The following PLEKHG1 variants were observed in gnomAD, a reference collection of about 807,000 sequenced individuals.
The protein encoded by PLEKHG1 is pleckstrin homology domain-containing family G member 1.
Under a neutral mutation model 100.8 loss-of-function variants are expected in PLEKHG1, and 44 were observed. That is an observed-to-expected ratio of 0.44 (90% CI 0.34 to 0.56). The LOEUF (loss-of-function observed/expected upper bound fraction) is 0.56. Ranked by LOEUF, PLEKHG1 falls within the 20% of genes least tolerant of loss-of-function variation. The pLI, the probability that PLEKHG1 is intolerant of heterozygous loss-of-function variation, is 0.01. For synonymous variants in PLEKHG1, 640 were observed against 662.5 expected (o/e 0.97, Z 0.52); for missense variants, 1,545 against 1,720.9 (o/e 0.90, Z 1.81).
At chr6:150,806,596 G>T (rs2642385) in intron 7 of PLEKHG1, among the ~76,000 whole-genome samples, 1 of 151,492 alleles carries the variant, frequency 6.6e-6, no homozygotes, top group Admixed American at 6.6e-5. Context: ...TGAGGCAGGA[G>T]AATTGCTTGA....
chr6:150,737,976 T>G (rs1205079450), intron 2 of PLEKHG1, among the ~76,000 whole-genome samples: 5 of 151,810 alleles, frequency 3.3e-5, no homozygotes, highest in Admixed American at 6.6e-5. Context: ...GCTAAGTTTT[T>G]TTTTTTTTTT....
At chr6:150,794,242 G>C (rs1046255921) in intron 4 of PLEKHG1, among the ~76,000 whole-genome samples, 2 of 152,186 alleles carry the variant, frequency 1.3e-5, no homozygotes, top group African/African-American at 4.8e-5. Flanking sequence ...CATTTGCTCT[G>C]TGTGATTGTT....
At chr6:150,832,236 A>G (rs1285552072) in intron 15 of PLEKHG1, 31 bp downstream of exon 16, 8 of 1,516,944 alleles carry the variant, frequency 5.3e-6, no homozygotes, top group Non-Finnish European at 7.1e-6. Flanking sequence ...TTCCTTCTCC[A>G]AAGTAAGAGG....
At chr6:150,792,157 TC>T (rs1786018483) in intron 4 of PLEKHG1, among the ~76,000 whole-genome samples, 1 of 152,024 alleles carries the variant, frequency 6.6e-6, no homozygotes, top group Admixed American at 6.6e-5. Context: ...AAACACCACT[TC>T]CTATCCTGGC....
At chr6:150,618,794 G>A (rs954083351) in intron 1 of PLEKHG1, among the ~76,000 whole-genome samples, 17 of 152,186 alleles carry the variant, frequency 1.1e-4, no homozygotes, top group African/African-American at 4.1e-4. Context: ...AGAAATGATG[G>A]AAAGGGAAAA....
intron 14 of PLEKHG1, among the ~76,000 whole-genome samples, chr6:150,824,793 G>A (rs1776499030): frequency 6.6e-6 from 1 of 152,166 alleles, no homozygotes; most frequent in Non-Finnish European, 1.5e-5. Context: ...GCCTCCCAAA[G>A]TGCTGGGATT....
At chr6:150,823,531 C>T in intron 13 of PLEKHG1, 123 bp from the exon 15 acceptor site, 4 of 663,520 alleles carry the variant, frequency 6.0e-6, no homozygotes, top group Non-Finnish European at 1.1e-5. Context: ...TCTATAGGGC[C>T]CAGAAGTCAC....
intron 3 of PLEKHG1, among the ~76,000 whole-genome samples, chr6:150,773,339 G>T (rs528344160): frequency 1.3e-5 from 2 of 152,074 alleles, no homozygotes; most frequent in Non-Finnish European, 2.9e-5. Context: ...CTTGAGACCC[G>T]CCTGGCTAAT....
rs113281571 is a variant in PLEKHG1, at chr6:150,700,850, A to T, written c.-98-32734A>T. Reference sequence around the variant, plus strand: ...GGCAAAACAGCACCTGGCACTTAGAAAGTACTCACACATTAGCTAGGGTTA... The same window carrying T: ...GGCAAAACAGCACCTGGCACTTAGATAGTACTCACACATTAGCTAGGGTTA... On this transcript the variant is annotated intron_variant, in intron 3 of 3. Coordinates refer to the PLEKHG1 transcript ENST00000367326. 9.5e-3 allele frequency among the ~76,000 whole-genome samples: 1,452 copies of T among 152,280 alleles called. 23 individuals carry two copies. Among genetic ancestry groups the T allele is most frequent in the African/African-American group, 0.033 (1,359 of 41,544 alleles).
At position 150,600,625 on chromosome 6, in the gene PLEKHG1, T is replaced by C. The variant is rs1037714492; in HGVS notation, c.-204+608T>C. Among the ~76,000 whole-genome samples the C allele has an allele frequency of 7.2e-5, 11 of 152,158 alleles. No individual in the cohort carries two copies. Among genetic ancestry groups the C allele is most frequent in the African/African-American group, 2.7e-4 (11 of 41,450 alleles). Reference sequence around the variant, plus strand: ...TTCAGGGGGTGGGGAGTCAAGAGCCTGTGGCTCTTCCGTCACGGGGTAAAC... The same window carrying C: ...TTCAGGGGGTGGGGAGTCAAGAGCCCGTGGCTCTTCCGTCACGGGGTAAAC... On this transcript the variant is annotated intron_variant, in intron 1 of 3. Coordinates refer to the PLEKHG1 transcript ENST00000367326. The surrounding 1 kb of genome is among the most constrained non-coding windows in gnomAD (Gnocchi z 6.2).
At chr6:150,613,301 G>A (rs985130416) in intron 1 of PLEKHG1, among the ~76,000 whole-genome samples, 2 of 152,282 alleles carry the variant, frequency 1.3e-5, no homozygotes, top group Middle Eastern at 3.4e-3. Context: ...CCTGCACCTT[G>A]CAAGTCAGAT....
At chr6:150,659,376 T>C (rs914133590) in intron 3 of PLEKHG1, among the ~76,000 whole-genome samples, 1 of 152,184 alleles carries the variant, frequency 6.6e-6, no homozygotes, top group Non-Finnish European at 1.5e-5. Context: ...TTGGAGTCAG[T>C]GTGAAAGGAA....
intron 10 of PLEKHG1, among the ~76,000 whole-genome samples, chr6:150,817,461 A>G (rs1382915159): frequency 6.6e-6 from 1 of 152,126 alleles, no homozygotes; most frequent in Admixed American, 6.6e-5. Context: ...TTACAAGGCC[A>G]TAGTGTCATG....
At chr6:150,807,295 C>A (rs781434445) in intron 7 of PLEKHG1, among the ~76,000 whole-genome samples, 3 of 152,140 alleles carry the variant, frequency 2.0e-5, no homozygotes, top group Non-Finnish European at 4.4e-5. Context: ...TGGAACATAT[C>A]CCCTGCAGAT....
At chr6:150,807,245 G>A (rs1485731234) in intron 7 of PLEKHG1, among the ~76,000 whole-genome samples, 1 of 152,072 alleles carries the variant, frequency 6.6e-6, no homozygotes, top group Non-Finnish European at 1.5e-5. Context: ...ATATTTAGAG[G>A]TCAATACTAT....
chr6:150,738,802 C>T (rs1157012982), intron 2 of PLEKHG1, among the ~76,000 whole-genome samples: 12 of 152,170 alleles, frequency 7.9e-5, no homozygotes, highest in African/African-American at 1.9e-4. Context: ...GACTGTGAAC[C>T]GTAGTCAAAG....
upstream of PLEKHG1, among the ~76,000 whole-genome samples, chr6:150,717,680 C>T (rs964006910): frequency 3.9e-5 from 6 of 152,166 alleles, no homozygotes; most frequent in African/African-American, 1.2e-4. Context: ...TTGTGTAACC[C>T]GTGCTTGCAG....
chr6:150,731,342 G>T (rs1469615525), intron 1 of PLEKHG1, among the ~76,000 whole-genome samples: 1 of 152,174 alleles, frequency 6.6e-6, no homozygotes, highest in East Asian at 1.9e-4. Context: ...TGTGGTAGTG[G>T]TTATGCAGAT....
At chr6:150,799,522 T>G (rs1026394535) in intron 5 of PLEKHG1, among the ~76,000 whole-genome samples, 22 of 152,150 alleles carry the variant, frequency 1.4e-4, no homozygotes, top group African/African-American at 4.6e-4. Flanking sequence ...GCTCCTAATT[T>G]GTTGCAGGTT....
Sources: allele counts gnomAD v4.1 joint callset (sites outside exome capture counted in the v4.1 genomes callset), GRCh38; gene constraint gnomAD v4.1.1; non-coding constraint Gnocchi (gnomAD v3.1); transcripts MANE v1.5; gene names NCBI Gene and HGNC (gene_info 2026-07-23, HGNC 2026-07-21).